Variants in NSUN2 observed in about 807,000 individuals in gnomAD.
NSUN2 encodes RNA cytosine C(5)-methyltransferase NSUN2.
Under a neutral mutation model 92.7 loss-of-function variants are expected in NSUN2, and 63 were observed. The observed-to-expected ratio is 0.68, with a 90% CI of 0.56 to 0.84. The LOEUF is 0.84. Ranked by LOEUF, NSUN2 falls within the 40% of genes least tolerant of loss-of-function variation. The probability of loss-of-function intolerance (pLI) is 0.00; values close to 1 mark genes in which losing one functional copy is unlikely to be tolerated. For synonymous variants in NSUN2, 356 were observed against 348.3 expected (o/e 1.02, Z -0.25); for missense variants, 989 against 964.9 (o/e 1.02, Z -0.33).
chr5:6,625,768 G>A (rs534545612), intron 3 of NSUN2, 99 bp from the exon 4 acceptor site: 223 of 779,854 alleles, frequency 2.9e-4, no homozygotes, highest in Non-Finnish European at 4.5e-4. Context: ...ATGAGACTTC[G>A]AATGTTGTTC....
chr5:6,625,733 T>TA, intron 3 of NSUN2, 64 bp from the exon 4 acceptor site: 1 of 1,186,190 alleles, frequency 8.4e-7, no homozygotes, highest in Non-Finnish European at 1.3e-6. Flanking sequence ...TTGACAACTT[T>TA]GTGCTTCTAT....
chr5:6,606,252 A>T (rs886282842), intron 14 of NSUN2, among the ~76,000 whole-genome samples: 1 of 152,198 alleles, frequency 6.6e-6, no homozygotes, highest in African/African-American at 2.4e-5. Context: ...GTTCAGGATC[A>T]CAACTAATTT....
intron 6 of NSUN2, chr5:6,621,100 G>A (rs1737418086): frequency 6.6e-6 from 1 of 152,190 alleles, no homozygotes; most frequent in Non-Finnish European, 1.5e-5. Flanking sequence ...AACAAAGATA[G>A]GACGAGATGA....
intron 7 of NSUN2, among the ~76,000 whole-genome samples, chr5:6,619,471 T>A (rs1251202665): frequency 6.6e-6 from 1 of 152,070 alleles, no homozygotes; most frequent in Non-Finnish European, 1.5e-5. Context: ...GCACCTCCTA[T>A]GGGAACGGAA....
Position 6,620,244 on chromosome 5 carries a change from T to C in NSUN2, c.677A>G (p.His226Arg), listed in dbSNP as rs1737382647. ...VDNKRCYLLV[H>R]QAKRLSSPCI... ...GGGGCTGCTCAGCCTCTTGGCTTGA[T>C]GGACGAGCAGGTAGCAGCGCTTGTT... The change falls in exon 7 of 19, where the codon CAT becomes CGT. Residue 226 changes from histidine to arginine, a missense_variant. His to Arg is a conservative substitution (Grantham distance 29). Transcript: ENST00000264670. 1.2e-6 allele frequency: 2 copies of C among 1,611,522 alleles called. No individual in the cohort carries two copies. Among genetic ancestry groups the C allele is most frequent in the Non-Finnish European group, 1.7e-6 (2 of 1,179,106 alleles).
chr5:6,607,490 T>G, intron 12 of NSUN2, 106 bp from the exon 13 acceptor site: 3 of 955,682 alleles, frequency 3.1e-6, no homozygotes, highest in Non-Finnish European at 4.7e-6. Flanking sequence ...TATATTTTTC[T>G]ACAGCATTAT....
At chr5:6,629,571 G>C (rs931974364) in intron 3 of NSUN2, among the ~76,000 whole-genome samples, 1 of 152,180 alleles carries the variant, frequency 6.6e-6, no homozygotes, top group African/African-American at 2.4e-5. Context: ...AATGTTTCCA[G>C]GTGATTGTGT....
chr5:6,624,708 C>CAG (rs1737580793), intron 4 of NSUN2, among the ~76,000 whole-genome samples: 1 of 152,152 alleles, frequency 6.6e-6, no homozygotes, highest in Non-Finnish European at 1.5e-5. Context: ...AAAAGCCAGG[C>CAG]AGACACAAGC....
Position 6,618,000 on chromosome 5 carries a change from G to T in NSUN2, c.840C>A (p.Asn280Lys), listed in dbSNP as rs781633209. Residue 280 changes from asparagine to lysine, a missense_variant, in exon 8 of 19, where the codon AAC becomes AAA. This residue lies in a region of NSUN2 where 7 missense variants were observed against 24.1 expected (regional missense o/e 0.29). Transcript: ENST00000264670. ...TGGTCCACTTTTTCCAAACATCAAT[G>T]TTTTTTCTCATAGTGCCGTCTCCAC... The part of the protein sequence containing the change: ...PCSGDGTMRK[N>K]IDVWKKWTTL... 6.2e-7 allele frequency: 1 copy of T among 1,613,514 alleles called. No individual in the cohort carries two copies. The highest frequency in any genetic ancestry group is 1.3e-5 in the African/African-American group (1 of 74,898).
At chr5:6,632,800 C>A (rs747934370) in intron 1 of NSUN2, 44 bp from the exon 2 acceptor site, 1 of 1,589,100 alleles carries the variant, frequency 6.3e-7, no homozygotes, top group Non-Finnish European at 8.6e-7. Flanking sequence ...CAAGGAGCCG[C>A]CCCCTCGCCG....
chr5:6,612,030 T>G (rs1347663030), intron 9 of NSUN2, among the ~76,000 whole-genome samples: 2 of 152,142 alleles, frequency 1.3e-5, no homozygotes, highest in Non-Finnish European at 2.9e-5. Context: ...AAAGGTCTGC[T>G]AGGGTGACGG....
rs1362207639 is a variant in NSUN2 at position 6,607,345 on chromosome 5, G to A, written c.1363C>T (p.Leu455=). The A allele has an allele frequency of 6.2e-7, 1 of 1,614,158 alleles. No individual in the cohort carries two copies. The change falls in exon 13 of 19, where the codon CTG becomes TTG. Residue 455 remains leucine, a synonymous_variant. Transcript: ENST00000264670. ...CCTTCTGTGAGATCTGCAGGGCTCA[G>A]CTGTGTGCTTTCTCTGGTCTCTGCA... ...KSAETRESTQ[L]SPADLTEGKP...
At chr5:6,614,462 C>A (rs148558574) in intron 9 of NSUN2, among the ~76,000 whole-genome samples, 3 of 152,282 alleles carry the variant, frequency 2.0e-5, no homozygotes, top group African/African-American at 7.2e-5. Flanking sequence ...TCATTCTTAA[C>A]TTTCGAACAT....
At chr5:6,620,380 G>A in intron 6 of NSUN2, 82 bp from the exon 7 acceptor site, 1 of 1,081,806 alleles carries the variant, frequency 9.2e-7, no homozygotes, top group Non-Finnish European at 1.3e-6. Context: ...CCAAAGGTCA[G>A]CCAGTGAGAA....
chr5:6,610,064 A>AC, intron 11 of NSUN2, 142 bp from the exon 12 acceptor site: 1 of 540,638 alleles, frequency 1.8e-6, no homozygotes, highest in Non-Finnish European at 3.1e-6. Context: ...TGTAAACTTA[A>AC]ATTTTTTTTT....
Position 6,604,120 on chromosome 5 carries a change from G to T in NSUN2, c.1957+18C>A. 6.2e-7 allele frequency: 1 copy of T among 1,608,382 alleles called. No homozygotes were observed. Among genetic ancestry groups the T allele is most frequent in the Non-Finnish European group, 8.5e-7 (1 of 1,177,706 alleles). On this transcript the variant is annotated intron_variant, in intron 17 of 18. Coordinates refer to ENST00000264670, the MANE Select transcript of NSUN2 (RefSeq NM_017755.6). ...AAGGGAATACAAGTTATGTCTCTATGCATTTCCAACTACTCACCCAGGTCC... is the reference window on the plus strand; with the variant it reads ...AAGGGAATACAAGTTATGTCTCTATTCATTTCCAACTACTCACCCAGGTCC...
At chr5:6,612,469 T>G (rs1185365378) in intron 9 of NSUN2, among the ~76,000 whole-genome samples, 1 of 152,318 alleles carries the variant, frequency 6.6e-6, no homozygotes, top group Admixed American at 6.5e-5. Context: ...CACACTGGCC[T>G]TAAGTGTCCA....
chr5:6,611,148 G>A (rs767950802), intron 10 of NSUN2, 63 bp from the exon 11 acceptor site: 4 of 1,570,966 alleles, frequency 2.5e-6, no homozygotes, highest in Non-Finnish European at 3.5e-6. Flanking sequence ...AAAATCACAG[G>A]GCAGGAGTAT....
intron 1 of NSUN2, 56 bp downstream of exon 1, chr5:6,632,828 G>A (rs1395124572): frequency 1.3e-6 from 2 of 1,561,808 alleles, no homozygotes; most frequent in Non-Finnish European, 8.7e-7. Context: ...GCAGGCCTCG[G>A]GGTCCGGGAA....
Sources: gnomAD v4.1 joint callset for allele counts (sites outside exome capture counted in the v4.1 genomes callset) on GRCh38, gnomAD v4.1.1 for gene constraint, gnomAD v4.1.1 regional missense constraint, MANE v1.5 for transcripts, NCBI Gene and HGNC (gene_info 2026-07-23, HGNC 2026-07-21) for gene names.